The following CDK16 variants were observed in gnomAD, a reference collection of about 807,000 sequenced individuals.
The protein encoded by CDK16 is cyclin dependent kinase 16.
A neutral mutation model predicts 41.6 loss-of-function variants in CDK16; 2 were observed. The observed-to-expected ratio is 0.05, with a 90% CI of 0.02 to 0.15. The LOEUF (loss-of-function observed/expected upper bound fraction) is 0.15, where lower values mean the gene tolerates loss of function less well. CDK16 is among the 10% of genes least tolerant of loss of function. The pLI is 1.00. For synonymous variants in CDK16, 169 were observed against 169.7 expected, an observed-to-expected ratio of 1.00 and a Z score of 0.03; for missense variants, 228 against 428.9, an observed-to-expected ratio of 0.53 and a Z score of 4.14.
At chrX:47,218,564 C>T, upstream of CDK16, 1 of 1,136,837 alleles carries the variant, frequency 8.8e-7, no homozygotes, top group Non-Finnish European at 1.2e-6. Flanking sequence ...CCACAGTTCT[C>T]CCTGGTGCCG....
chrX:47,227,745 A>G, intron 14 of CDK16: 1 of 353,073 alleles, frequency 2.8e-6, no homozygotes. Flanking sequence ...TAAAAAATGC[A>G]CAAATCATAA....
In CDK16 at chrX:47,228,532, G is replaced by A. The variant is rs1280194325; in HGVS notation, c.1376-35G>A. The stretch of plus-strand genomic sequence containing the variant: ...GGGCTGGTCCTAGATGACCTCATGG[G>A]TCATCCCCCACTTCTATGTCTCCCC... On this transcript the variant is annotated intron_variant, in intron 14 of 15. Transcript: ENST00000357227. 2.6e-6 allele frequency: 3 copies of A among 1,155,918 alleles called. No homozygotes were observed. The Admixed American group carries it at 6.5e-5, about 25-fold the overall frequency.
At chrX:47,224,147 C>G (rs1173159524) in intron 2 of CDK16, among the ~76,000 whole-genome samples, 4 of 111,316 alleles carry the variant, frequency 3.6e-5, no homozygotes, top group Non-Finnish European at 7.6e-5. Context: ...TCAGCTTGCC[C>G]TTGGAAGGAA....
At chrX:47,219,226 A>C in intron 1 of CDK16, 121 bp downstream of exon 1, 2 of 677,088 alleles carry the variant, frequency 3.0e-6, no homozygotes, top group Non-Finnish European at 3.5e-6. Context: ...ATTTCCCAGA[A>C]TGCACCGGGG....
Position 47,225,759 on chromosome X carries a change from A to G in CDK16, c.635-13A>G. On this transcript the variant is annotated splice_polypyrimidine_tract_variant and intron_variant, in intron 6 of 15. Transcript: ENST00000357227. ...CTGACTCTTCCCCTGTCCCACTCCC[A>G]TGCTTCCTGCAGTGTCCCTGCTCAA... 8.5e-7 allele frequency: 1 copy of G among 1,182,903 alleles called. No homozygotes were observed. Among genetic ancestry groups the G allele is most frequent in the Non-Finnish European group, 1.2e-6 (1 of 869,503 alleles).
Position 47,226,020 on chromosome X carries a change from A to G in CDK16, c.785A>G (p.Asn262Ser). The change falls in exon 8 of 16, where the codon AAC (asparagine) becomes AGC (serine). Residue 262 changes from asparagine (N) to serine (S), a missense_variant. Asn to Ser is a conservative substitution (Grantham distance 46, BLOSUM62 1). This residue lies in a region of CDK16 where 66 missense variants were observed against 197.2 expected (regional missense o/e 0.33). Transcript: ENST00000357227. ...DDCGNIINMH[N>S]VKLFLFQLLR... ...TGTGGGAACATCATCAACATGCACA[A>G]CGTGAAAGTGGGTGTGGGGCAGGAA... The G allele has an allele frequency of 8.3e-7, 1 of 1,198,975 alleles. No individual in the cohort carries two copies. Among genetic ancestry groups the G allele is most frequent in the African/African-American group, 1.7e-5 (1 of 57,520 alleles).
chrX:47,228,978 T>A lies in CDK16; in HGVS notation c.*210T>A. On this transcript the variant is annotated 3_prime_UTR_variant, in exon 16 of 16. Coordinates refer to ENST00000357227, the MANE Select transcript of CDK16 (RefSeq NM_006201.5). ...TGTCTGCTGGGTGCTAACAAAGCTC[T>A]CATCACTCCTTCACTTGGTCTGTCT... The A allele has an allele frequency of 4.0e-6, 2 of 499,250 alleles. No individual in the cohort carries two copies. Among genetic ancestry groups the A allele is most frequent in the Non-Finnish European group, 7.2e-6 (2 of 278,379 alleles). 41.1% of individuals were successfully genotyped at this position (499,250 alleles called of 1,213,427 possible). A position where few individuals can be genotyped will look rare whatever the true frequency, so the allele number is the denominator to read the frequency against.
In CDK16 at chrX:47,218,754, T is replaced by G; in HGVS notation, c.-358T>G. 8.6e-7 allele frequency: 1 copy of G among 1,158,816 alleles called. No individual in the cohort carries two copies. Among genetic ancestry groups the G allele is most frequent in the South Asian group, 1.9e-5 (1 of 52,507 alleles). On this transcript the variant is annotated 5_prime_UTR_variant, in exon 1 of 16. Transcript: ENST00000357227. ...CGCGCGGCGGTTGGGCCGTTGGCTG[T>G]TCGGCCCTGGGATCCGCCGCCACTC...
In CDK16 at chrX:47,226,809, C is replaced by A; in HGVS notation, c.1038-3C>A. On this transcript the variant is annotated splice_region_variant and splice_polypyrimidine_tract_variant and intron_variant, in intron 10 of 15. Coordinates refer to ENST00000357227, the MANE Select transcript of CDK16 (RefSeq NM_006201.5). ...TTCTATTCACTGTGCCCTCCCTGCC[C>A]AGGGGTGTGGGCTGCATCTTCTATG... is the stretch of plus-strand genomic sequence containing the variant. 3.3e-6 allele frequency: 4 copies of A among 1,203,030 alleles called. No homozygotes were observed. The highest frequency in any genetic ancestry group is 4.5e-6 in the Non-Finnish European group (4 of 890,629).
chrX:47,227,290 C>CCTCAA, intron 13 of CDK16, 67 bp downstream of exon 13: 2 of 1,119,045 alleles, frequency 1.8e-6, no homozygotes, highest in Non-Finnish European at 2.4e-6. Flanking sequence ...GGACCCCCCC[C>CCTCAA]CTCAAACCAG....
chrX:47,222,397 C>T (rs1193369997), intron 1 of CDK16: 1 of 110,510 alleles, frequency 9.0e-6, no homozygotes, highest in African/African-American at 3.3e-5. Context: ...GGTGTCATTT[C>T]TGAGGAGGTA....
chrX:47,222,950 G>A lies in CDK16; in HGVS notation c.-6-602G>A, dbSNP rs1937401490. 5.4e-6 allele frequency: 4 copies of A among 737,344 alleles called. No individual in the cohort carries two copies. In the Admixed American group the frequency reaches 1.7e-4, roughly 32 times the overall value. 60.8% of individuals were successfully genotyped at this position (737,344 alleles called of 1,213,427 possible). ...GTCTGGGCAGGACACCCTGACACAC[G>A]CTCCCCTCCCCCCCCCCACCTGGGT... On this transcript the variant is annotated intron_variant, in intron 1 of 15. Transcript: ENST00000357227.
chrX:47,222,806 T>C (rs1352867092), intron 1 of CDK16: 3 of 328,755 alleles, frequency 9.1e-6, no homozygotes, highest in African/African-American at 5.2e-5. Flanking sequence ...ACTTGGCTTG[T>C]AAAAGTCTAG....
chrX:47,225,679 C>T (rs1937530478), intron 6 of CDK16, 93 bp from the exon 7 acceptor site: 2 of 650,697 alleles, frequency 3.1e-6, no homozygotes, highest in Non-Finnish European at 5.0e-6. Flanking sequence ...AGAAAGAAAA[C>T]CTGGGCTTGT....
At chrX:47,225,545 C>G (rs973787331) in intron 6 of CDK16, among the ~76,000 whole-genome samples, 1 of 111,912 alleles carries the variant, frequency 8.9e-6, no homozygotes, top group Non-Finnish European at 1.9e-5. Flanking sequence ...ATCCCAGGTT[C>G]TTGCTCCATA....
At chrX:47,219,299 G>T (rs1452973138) in intron 1 of CDK16, among the ~76,000 whole-genome samples, 194 bp downstream of exon 1, 5 of 111,192 alleles carry the variant, frequency 4.5e-5, no homozygotes, top group African/African-American at 1.6e-4. Context: ...GGGAGCTGGG[G>T]TTGGGTAGTG....
At chrX:47,226,745 G>C (rs1937557011) in intron 10 of CDK16, 42 bp downstream of exon 10, 3 of 1,187,510 alleles carry the variant, frequency 2.5e-6, no homozygotes, top group Non-Finnish European at 3.4e-6. Flanking sequence ...TGTGGTAAAG[G>C]GGGTGGCTTG....
Position 47,218,783 on chromosome X carries a change from G to C in CDK16, c.-329G>C, listed in dbSNP as rs1250423795. ...GCCCTGGGATCCGCCGCCACTCCGCGATCAGACCGCTCTGTGCCGCGAGCC... is the reference window on the plus strand; with the variant it reads ...GCCCTGGGATCCGCCGCCACTCCGCCATCAGACCGCTCTGTGCCGCGAGCC... On this transcript the variant is annotated 5_prime_UTR_variant, in exon 1 of 16. Transcript: ENST00000357227. 8.7e-7 allele frequency: 1 copy of C among 1,153,945 alleles called. No individual in the cohort carries two copies. Among genetic ancestry groups the C allele is most frequent in the South Asian group, 1.9e-5 (1 of 52,568 alleles).
rs761777951 is a variant in CDK16 at position 47,223,320 on chromosome X, C to T, written c.-6-232C>T. ...TAAATCTGAGAACTCAGGTGGGCTACGTAGGAGCAGGGTCCCAGTGGGGCT... is the reference window on the plus strand; with the variant it reads ...TAAATCTGAGAACTCAGGTGGGCTATGTAGGAGCAGGGTCCCAGTGGGGCT... On this transcript the variant is annotated intron_variant, in intron 1 of 15. Coordinates refer to ENST00000357227, the MANE Select transcript of CDK16 (RefSeq NM_006201.5). 610 of 1,150,089 alleles carry T rather than the reference C, an allele frequency of 5.3e-4. 1 individual carries two copies. Among genetic ancestry groups the T allele is most frequent in the Admixed American group, 9.6e-4 (37 of 38,471 alleles). The allele number at this position is 1,150,089 out of a possible 1,213,427, so 94.8% of individuals were successfully genotyped here.
Sources: gnomAD v4.1 joint callset for allele counts (sites outside exome capture counted in the v4.1 genomes callset) on GRCh38, gnomAD v4.1.1 for gene constraint, gnomAD v4.1.1 regional missense constraint, MANE v1.5 for transcripts, NCBI Gene and HGNC (gene_info 2026-07-23, HGNC 2026-07-21) for gene names.